THSD7B: variants seen among roughly 807,000 people sequenced by gnomAD.
THSD7B encodes the protein thrombospondin type 1 domain containing 7B.
THSD7B carries 138 observed loss-of-function variants against 213.6 expected under a neutral mutation model. That is an observed-to-expected ratio of 0.65 (90% confidence interval 0.56 to 0.74). The LOEUF (loss-of-function observed/expected upper bound fraction) is 0.74. Among genes scored for constraint, THSD7B ranks in the 30% least tolerant of loss-of-function variants. The pLI is 0.00. For missense variants in THSD7B, 1,931 were observed against 1,991.5 expected, an observed-to-expected ratio of 0.97 and a Z score of 0.58; for synonymous variants, 742 against 687.0, an observed-to-expected ratio of 1.08 and a Z score of -1.25.
chr2:137,113,732 C>T (rs189095538), intron 4 of THSD7B, among the ~76,000 whole-genome samples: 298 of 152,102 alleles, frequency 2.0e-3, no homozygotes, highest in African/African-American at 7.0e-3. Flanking sequence ...CCACTGTGCC[C>T]GGCCAGAAAT....
At chr2:137,115,329 T>C (rs1014030589) in intron 5 of THSD7B, 36 bp downstream of exon 5, 21 of 1,469,488 alleles carry the variant, frequency 1.4e-5, no homozygotes, top group Non-Finnish European at 1.9e-5. Context: ...GGTGCACTGC[T>C]GGTTGGAAGG....
At chr2:137,115,972 T>C (rs1442304433) in intron 5 of THSD7B, among the ~76,000 whole-genome samples, 2 of 152,198 alleles carry the variant, frequency 1.3e-5, no homozygotes, top group South Asian at 2.1e-4. Flanking sequence ...TCTAACCACA[T>C]TGGAGAACCC....
At position 137,572,496 on chromosome 2, in the gene THSD7B, T is replaced by C; in HGVS notation, c.3363T>C (p.Ser1121=). The stretch of plus-strand genomic sequence containing the variant: ...TTCCCCCAGAAACCCAGTCCTGTTC[T>C]CTTATGTGTCCCAATGAGTGTGTCA... ...DEIPPETQSC[S]LMCPNECVMS... is the part of the protein sequence containing the mutation. Residue 1121 remains serine, a synonymous_variant, in exon 17 of 28, where the codon TCT becomes TCC. Transcript: ENST00000409968. 1 of 1,613,920 alleles carries C rather than the reference T, an allele frequency of 6.2e-7. No homozygotes were observed. Among genetic ancestry groups the C allele is most frequent in the Non-Finnish European group, 8.5e-7 (1 of 1,179,844 alleles).
In THSD7B at chr2:137,546,395, T is replaced by TATTA. The variant is rs1480170788; in HGVS notation, c.3139-16826_3139-16825insATTA. Among the ~76,000 whole-genome samples, 55 of 33,282 alleles carry TATTA rather than the reference T, an allele frequency of 1.7e-3. 5 individuals are homozygous for TATTA. Among genetic ancestry groups the TATTA allele is most frequent in the Non-Finnish European group, 2.1e-3 (45 of 21,610 alleles). The allele number at this position is 33,282 out of a possible 152,430, so 21.8% of individuals were successfully genotyped here. Reference sequence around the variant, plus strand: ...ATATATAATATATATATTATATATATTATATATATTATATATATATTATAT... The same window carrying TATTA: ...ATATATAATATATATATTATATATATATTATATATATATTATATATATATTATAT... On this transcript the variant is annotated intron_variant, in intron 15 of 27. Transcript: ENST00000409968.
chr2:137,456,610 A>G (rs1417364695), intron 15 of THSD7B, among the ~76,000 whole-genome samples: 1 of 152,190 alleles, frequency 6.6e-6, no homozygotes, highest in African/African-American at 2.4e-5. Flanking sequence ...GCAAGAAATC[A>G]TCTTCCTGGG....
At chr2:137,533,716 C>T (rs1343446213) in intron 15 of THSD7B, among the ~76,000 whole-genome samples, 2 of 151,840 alleles carry the variant, frequency 1.3e-5, no homozygotes, top group African/African-American at 4.8e-5. Flanking sequence ...AGCATGTGAG[C>T]CCTTAGCCTG....
At chr2:137,068,800 T>G (rs543737486) in intron 3 of THSD7B, among the ~76,000 whole-genome samples, 1 of 152,168 alleles carries the variant, frequency 6.6e-6, no homozygotes, top group East Asian at 1.9e-4. Flanking sequence ...GCATTCTGTT[T>G]CCTCTGTTTT....
chr2:137,145,657 G>A (rs1679681738), intron 5 of THSD7B, among the ~76,000 whole-genome samples: 2 of 151,914 alleles, frequency 1.3e-5, no homozygotes, highest in Admixed American at 1.3e-4. Flanking sequence ...GGGCTTCATC[G>A]ATTTGAACAA....
chr2:137,305,171 G>C (rs1683712587), intron 12 of THSD7B, among the ~76,000 whole-genome samples: 1 of 152,136 alleles, frequency 6.6e-6, no homozygotes, highest in Non-Finnish European at 1.5e-5. Context: ...ATAGAGTGTA[G>C]AATGCTGGCT....
At chr2:136,785,445 G>A (rs1344926664) in intron 1 of THSD7B, among the ~76,000 whole-genome samples, 4 of 130,532 alleles carry the variant, frequency 3.1e-5, no homozygotes, top group Admixed American at 8.2e-5. Context: ...AGATGAGGGC[G>A]CAGGGGCCAC....
chr2:137,663,688 G>A, intron 26 of THSD7B, 113 bp downstream of exon 26: 1 of 937,392 alleles, frequency 1.1e-6, no homozygotes, highest in Non-Finnish European at 1.6e-6. Context: ...AGAGAAGAAA[G>A]AGGCAGTAAG....
chr2:137,567,072 G>A (rs1681252683), intron 16 of THSD7B, among the ~76,000 whole-genome samples: 1 of 152,088 alleles, frequency 6.6e-6, no homozygotes, highest in African/African-American at 2.4e-5. Flanking sequence ...GATAAAGACT[G>A]GATATTATTC....
At chr2:137,148,774 A>C (rs1679758058) in intron 5 of THSD7B, among the ~76,000 whole-genome samples, 1 of 152,150 alleles carries the variant, frequency 6.6e-6, no homozygotes. Context: ...ATCTAGTGGA[A>C]GAAATTTGCA....
intron 21 of THSD7B, among the ~76,000 whole-genome samples, chr2:137,645,938 T>C (rs1278340017): frequency 1.3e-5 from 2 of 152,198 alleles, no homozygotes; most frequent in Non-Finnish European, 2.9e-5. Context: ...AATAAACATT[T>C]ACTAGAATAT....
chr2:137,177,502 C>A (rs896469738), intron 7 of THSD7B, among the ~76,000 whole-genome samples: 10 of 152,092 alleles, frequency 6.6e-5, no homozygotes, highest in Non-Finnish European at 1.5e-4. Flanking sequence ...GGTTCTAAAA[C>A]TAGTAGGCAT....
At chr2:137,486,001 A>G (rs1440469053) in intron 15 of THSD7B, among the ~76,000 whole-genome samples, 2 of 152,214 alleles carry the variant, frequency 1.3e-5, no homozygotes, top group Non-Finnish European at 2.9e-5. Flanking sequence ...GGAAGCACTA[A>G]ACATGGAAAG....
chr2:137,316,952 G>A (rs9287472), intron 12 of THSD7B, among the ~76,000 whole-genome samples: 8,435 of 152,066 alleles, frequency 0.055, 318 homozygotes, highest in East Asian at 0.098. Flanking sequence ...TGAGTTGGTA[G>A]GTTCTGACAT....
chr2:137,500,301 C>T (rs769881894), intron 15 of THSD7B, among the ~76,000 whole-genome samples: 1 of 152,162 alleles, frequency 6.6e-6, no homozygotes, highest in Non-Finnish European at 1.5e-5. Flanking sequence ...GTTCAATCTA[C>T]CACAGGAAAA....
intron 2 of THSD7B, among the ~76,000 whole-genome samples, chr2:136,914,573 A>G (rs1338595541): frequency 6.6e-6 from 1 of 152,130 alleles, no homozygotes; most frequent in Non-Finnish European, 1.5e-5. Context: ...GAATCATGGG[A>G]GCCCGTCTTT....
Sources: allele counts gnomAD v4.1 joint callset (sites outside exome capture counted in the v4.1 genomes callset), GRCh38; gene constraint gnomAD v4.1.1; transcripts MANE v1.5; gene names NCBI Gene and HGNC (gene_info 2026-07-23, HGNC 2026-07-21).